Variants in EIF5B observed in about 807,000 individuals in gnomAD.
EIF5B encodes eIF-5B.
Under a neutral mutation model 147.5 loss-of-function variants are expected in EIF5B, and 47 were observed. That is an observed-to-expected ratio of 0.32 (90% CI 0.25 to 0.41). The LOEUF (loss-of-function observed/expected upper bound fraction) is 0.41. Ranked by LOEUF, EIF5B falls within the 10% of genes least tolerant of loss-of-function variation. EIF5B has a pLI of 1.00. For missense variants in EIF5B, 1,064 were observed against 1,413.2 expected (o/e 0.75, Z 3.96); for synonymous variants, 455 against 456.2 (o/e 1.00, Z 0.03).
rs373625361 is a variant in EIF5B at position 99,376,554 on chromosome 2, T to C, written c.1760T>C (p.Met587Thr). 2 of 1,613,836 alleles carry C rather than the reference T, an allele frequency of 1.2e-6. No individual in the cohort carries two copies. The highest frequency in any genetic ancestry group is 1.1e-5 in the South Asian group (1 of 91,074). ...TTAGATAAAAAGCCAAGTAAAGAAA[T>C]GAGCTCAGATTCTGAATATGACTCT... is the stretch of plus-strand genomic sequence containing the variant. ...KTLDKKPSKE[M>T]SSDSEYDSDD... The change falls in exon 10 of 24, where the codon ATG becomes ACG. Residue 587 changes from methionine to threonine, a missense_variant. Physicochemically the swap from Met to Thr is moderately conservative, Grantham distance 81. This residue lies in a region of EIF5B where 195 missense variants were observed against 186.3 expected (regional missense o/e 1.05). Transcript: ENST00000289371.
intron 9 of EIF5B, among the ~76,000 whole-genome samples, chr2:99,372,905 C>G (rs892300686): frequency 2.6e-5 from 4 of 151,730 alleles, no homozygotes; most frequent in Non-Finnish European, 5.9e-5. Context: ...TTTGTTTTTG[C>G]TTTTGTTTTT....
intron 17 of EIF5B, among the ~76,000 whole-genome samples, chr2:99,391,450 T>A (rs1674928051): frequency 6.6e-6 from 1 of 152,152 alleles, no homozygotes; most frequent in Non-Finnish European, 1.5e-5. Context: ...ACACACAACA[T>A]AGAAGAAAAG....
chr2:99,368,255 A>C (rs1674370296), intron 6 of EIF5B, among the ~76,000 whole-genome samples: 1 of 152,228 alleles, frequency 6.6e-6, no homozygotes, highest in Admixed American at 6.5e-5. Flanking sequence ...GCTTTTCTGC[A>C]TCTTCATTGT....
chr2:99,358,269 G>T (rs1394619518), intron 1 of EIF5B, among the ~76,000 whole-genome samples: 3 of 152,026 alleles, frequency 2.0e-5, no homozygotes, highest in Admixed American at 6.6e-5. Context: ...GTTTCATAGT[G>T]TTGGCCAGGC....
chr2:99,364,214 G>A, intron 5 of EIF5B, 57 bp from the exon 6 acceptor site: 4 of 1,509,398 alleles, frequency 2.7e-6, no homozygotes, highest in Non-Finnish European at 3.5e-6. Flanking sequence ...GTTTACATTT[G>A]AATTTTATAG....
chr2:99,339,384 G>T (rs2094253824), intron 1 of EIF5B, among the ~76,000 whole-genome samples: 1 of 152,048 alleles, frequency 6.6e-6, no homozygotes, highest in South Asian at 2.1e-4. Context: ...ATATCTGTAA[G>T]AAATATTAAT....
intron 1 of EIF5B, among the ~76,000 whole-genome samples, chr2:99,338,937 T>TATATATAC (rs1491555384): frequency 1.5e-5 from 2 of 134,692 alleles, no homozygotes; most frequent in Non-Finnish European, 3.2e-5. Context: ...TATATATATA[T>TATATATAC]ACAAATATAT....
At chr2:99,358,335 G>C (rs1215570866) in intron 1 of EIF5B, among the ~76,000 whole-genome samples, 1 of 152,092 alleles carries the variant, frequency 6.6e-6, no homozygotes. Context: ...CCAAAGCGCT[G>C]GGATTACAGG....
chr2:99,396,925 G>A (rs1675062058), intron 22 of EIF5B, 27 bp downstream of exon 22: 1 of 1,579,584 alleles, frequency 6.3e-7, no homozygotes, highest in African/African-American at 1.4e-5. Flanking sequence ...CATTCTGTGG[G>A]TCATTTCTTA....
rs1409138783 is a variant in EIF5B at position 99,360,288 on chromosome 2, G to A, written c.88G>A (p.Gly30Ser). ...DALAAEIEGA[G>S]AAKEQEPQKS... ...CTTGGCTGCAGAAATAGAAGGAGCT[G>A]GTGCTGCCAAAGAACAGGAGCCTCA... The change falls in exon 2 of 24, where the codon GGT (glycine) becomes AGT (serine). Residue 30 changes from glycine (G) to serine (S), a missense_variant. Gly to Ser is a moderately conservative substitution (Grantham distance 56). Transcript: ENST00000289371. The A allele has an allele frequency of 6.2e-7, 1 of 1,611,474 alleles. No homozygotes were observed. Among genetic ancestry groups the A allele is most frequent in the Non-Finnish European group, 8.5e-7 (1 of 1,179,270 alleles).
intron 1 of EIF5B, among the ~76,000 whole-genome samples, chr2:99,338,149 T>G (rs2094248418): frequency 7.6e-6 from 1 of 131,840 alleles, no homozygotes; most frequent in South Asian, 2.6e-4. Context: ...GCCCTCATGC[T>G]TTTCGCTTTC....
intron 6 of EIF5B, among the ~76,000 whole-genome samples, chr2:99,365,490 G>C (rs948090214): frequency 1.1e-4 from 16 of 152,102 alleles, no homozygotes; most frequent in African/African-American, 3.9e-4. Flanking sequence ...AATGAAATTA[G>C]GTACAAACTT....
chr2:99,368,645 C>G (rs1391154613), intron 7 of EIF5B, 54 bp downstream of exon 7: 9 of 1,352,534 alleles, frequency 6.7e-6, no homozygotes, highest in Non-Finnish European at 9.4e-6. Context: ...GCCTTTCCCC[C>G]ACAATCTTCA....
At position 99,379,183 on chromosome 2, in the gene EIF5B, T is replaced by TA. The variant is rs999011933; in HGVS notation, c.1950+66dup. On this transcript the variant is annotated intron_variant, in intron 11 of 23. Transcript: ENST00000289371. ...TTGAAAATAAGTGAATGGTACCTTA[T>TA]AAAAAAAAACTTTAGAGACCAATAG... 1,733 of 1,457,876 alleles carry TA rather than the reference T, an allele frequency of 1.2e-3. 1 individual carries two copies. The highest frequency in any genetic ancestry group is 2.1e-3 in the African/African-American group (147 of 69,142). The allele number at this position is 1,457,876 out of a possible 1,614,324, so 90.3% of individuals were successfully genotyped here.
chr2:99,358,424 C>T, intron 1 of EIF5B, among the ~76,000 whole-genome samples: 1 of 152,172 alleles, frequency 6.6e-6, no homozygotes. Flanking sequence ...TGGAATCAGA[C>T]TTCCTGGATT....
intron 1 of EIF5B, among the ~76,000 whole-genome samples, chr2:99,339,682 C>G (rs2094255346): frequency 6.6e-6 from 1 of 152,068 alleles, no homozygotes; most frequent in South Asian, 2.1e-4. Flanking sequence ...TGTTTCCCTA[C>G]TTACACTTTT....
intron 1 of EIF5B, among the ~76,000 whole-genome samples, chr2:99,353,907 C>T (rs868577638): frequency 1.3e-5 from 2 of 152,264 alleles, no homozygotes; most frequent in South Asian, 4.1e-4. Context: ...TGGAAATGAA[C>T]CACTGTCTAT....
chr2:99,390,162 C>T, intron 15 of EIF5B, 57 bp from the exon 16 acceptor site: 2 of 1,597,214 alleles, frequency 1.3e-6, no homozygotes, highest in Non-Finnish European at 1.7e-6. Flanking sequence ...GTGAGGCACA[C>T]CTATTCCAGA....
intron 10 of EIF5B, among the ~76,000 whole-genome samples, chr2:99,378,763 T>C (rs1674614898): frequency 6.6e-6 from 1 of 152,208 alleles, no homozygotes; most frequent in Non-Finnish European, 1.5e-5. Flanking sequence ...AATTTTGAAA[T>C]GACACTTTAC....
Sources: allele counts gnomAD v4.1 joint callset (sites outside exome capture counted in the v4.1 genomes callset), GRCh38; gene constraint gnomAD v4.1.1; regional missense constraint gnomAD v4.1.1; transcripts MANE v1.5; gene names NCBI Gene and HGNC (gene_info 2026-07-23, HGNC 2026-07-21).